RBM6: variants seen among roughly 807,000 people sequenced by gnomAD.
RBM6 encodes the protein RNA-binding protein 6.
RBM6 carries 23 observed loss-of-function variants against 140.4 expected under a neutral mutation model. The observed-to-expected ratio is 0.16, with a 90% CI of 0.12 to 0.23. RBM6 has a LOEUF of 0.23. Ranked by LOEUF, RBM6 falls within the 10% of genes least tolerant of loss-of-function variation. The pLI is 1.00. For missense variants in RBM6, 1,139 were observed against 1,386.7 expected, an observed-to-expected ratio of 0.82 and a Z score of 2.84; for synonymous variants, 439 against 475.6, an observed-to-expected ratio of 0.92 and a Z score of 1.00.
chr3:49,956,089 G>A (rs952642888), intron 1 of RBM6, among the ~76,000 whole-genome samples: 1 of 150,268 alleles, frequency 6.7e-6, no homozygotes, highest in African/African-American at 2.5e-5. Context: ...ATAGTGCAGT[G>A]CCACAATCTC....
chr3:49,967,309 G>C lies in RBM6; in HGVS notation c.45-161G>C. 2 of 1,409,684 alleles carry C rather than the reference G, an allele frequency of 1.4e-6. No homozygotes were observed. Among genetic ancestry groups the C allele is most frequent in the South Asian group, 3.6e-5 (2 of 56,292 alleles). 87.3% of individuals were successfully genotyped at this position (1,409,684 alleles called of 1,614,324 possible). On this transcript the variant is annotated intron_variant, in intron 2 of 20. Coordinates refer to ENST00000266022, the MANE Select transcript of RBM6 (RefSeq NM_005777.3). This position sits in a 1 kb window ranked among gnomAD's most constrained non-coding sequence, Gnocchi z 4.0. ...TACTCCGCCACTTCGTCTTAAAATA[G>C]CAAAACTTTGCTGTTTTCTGCAGAT... is the stretch of plus-strand genomic sequence containing the variant.
intron 5 of RBM6, among the ~76,000 whole-genome samples, chr3:49,976,241 A>AT: frequency 6.6e-6 from 1 of 152,318 alleles, no homozygotes; most frequent in African/African-American, 2.4e-5. Context: ...TGAGGATATA[A>AT]TTTACTATTA....
intron 1 of RBM6, among the ~76,000 whole-genome samples, chr3:49,955,753 G>A (rs1174091609): frequency 1.3e-5 from 2 of 151,830 alleles, no homozygotes; most frequent in African/African-American, 4.8e-5. Context: ...TGAGACAGGA[G>A]AATCTCTTGA....
At chr3:49,988,621 C>T (rs2085676017) in intron 5 of RBM6, among the ~76,000 whole-genome samples, 1 of 152,116 alleles carries the variant, frequency 6.6e-6, no homozygotes, top group African/African-American at 2.4e-5. Context: ...TTTGAATGCC[C>T]ACAGATGCTT....
chr3:49,941,950 A>T (rs2083300682), intron 1 of RBM6, among the ~76,000 whole-genome samples: 1 of 150,104 alleles, frequency 6.7e-6, no homozygotes, highest in South Asian at 2.1e-4. Flanking sequence ...AAAAAAAAAA[A>T]TTAGCCAGGC....
intron 5 of RBM6, among the ~76,000 whole-genome samples, chr3:49,998,431 T>G (rs911136995): frequency 6.6e-6 from 1 of 152,210 alleles, no homozygotes; most frequent in Non-Finnish European, 1.5e-5. Flanking sequence ...GAGATGAGCT[T>G]CTTTATCCTC....
rs956233729 is a variant in RBM6 at position 50,071,119 on chromosome 3, G to A, written c.3116+567G>A. On this transcript the variant is annotated intron_variant, in intron 19 of 20. Coordinates refer to ENST00000266022, the MANE Select transcript of RBM6 (RefSeq NM_005777.3). ...ATAGACAAGACTTAGGTGATGGTGC[G>A]TCTCATAGGGCAGACACAGAAATCA... 4.6e-5 allele frequency among the ~76,000 whole-genome samples: 7 copies of A among 152,292 alleles called. 1 individual carries two copies. The highest frequency in any genetic ancestry group is 2.6e-4 in the Admixed American group (4 of 15,294).
chr3:49,950,767 G>C (rs1397577293), intron 1 of RBM6, among the ~76,000 whole-genome samples: 3 of 150,698 alleles, frequency 2.0e-5, no homozygotes, highest in Non-Finnish European at 4.4e-5. Context: ...AAAAAAAACA[G>C]AAAGAATGAA....
intron 6 of RBM6, among the ~76,000 whole-genome samples, chr3:50,024,247 CTAAA>C (rs2087672794): frequency 6.6e-6 from 1 of 152,270 alleles, no homozygotes; most frequent in Admixed American, 6.5e-5. Flanking sequence ...AACAGTCCTT[CTAAA>C]TAATTATTTC....
chr3:50,052,718 C>T (rs1394924779), intron 7 of RBM6, among the ~76,000 whole-genome samples: 1 of 152,186 alleles, frequency 6.6e-6, no homozygotes, highest in Non-Finnish European at 1.5e-5. Flanking sequence ...GGGTTGTTTG[C>T]TACAGTTCTG....
At chr3:49,993,718 C>T (rs2085937139) in intron 5 of RBM6, among the ~76,000 whole-genome samples, 1 of 150,620 alleles carries the variant, frequency 6.6e-6, no homozygotes, top group Admixed American at 6.6e-5. Context: ...AAAAAAACAA[C>T]CCTTGTATGC....
At chr3:50,063,388 C>T (rs1447011308) in intron 15 of RBM6, among the ~76,000 whole-genome samples, 1 of 151,932 alleles carries the variant, frequency 6.6e-6, no homozygotes. Flanking sequence ...AGGTGGATGC[C>T]TGAGTTTAGG....
rs567565728 is a variant in RBM6, at chr3:50,065,194, C to T, written c.2682+68C>T. ...GGATGGTTCCGAGTAGAAGAGGAAGCGCAAAGGCTGATGCCTTCCTCTGGT... is the reference window on the plus strand; with the variant it reads ...GGATGGTTCCGAGTAGAAGAGGAAGTGCAAAGGCTGATGCCTTCCTCTGGT... On this transcript the variant is annotated intron_variant, in intron 16 of 20. Transcript: ENST00000266022. 104 of 1,222,088 alleles carry T rather than the reference C, an allele frequency of 8.5e-5. 1 individual carries two copies. The highest frequency in any genetic ancestry group is 7.4e-4 in the South Asian group (55 of 74,404). The allele number at this position is 1,222,088 out of a possible 1,614,324, so 75.7% of individuals were successfully genotyped here.
rs2084819684 is a variant in RBM6 at position 49,972,094 on chromosome 3, A to T, written c.1359A>T (p.Lys453Asn). 1 of 1,613,432 alleles carries T rather than the reference A, an allele frequency of 6.2e-7. No homozygotes were observed. The highest frequency in any genetic ancestry group is 1.7e-5 in the Admixed American group (1 of 59,948). ...QDYRTGPSEE[K>N]PSRLIRLSGV... is the part of the protein sequence containing the mutation. Reference sequence around the variant, plus strand: ...ATAGGACCGGCCCAAGTGAGGAGAAACCCAGCAGGCTTATTCGATTAAGTG... The same window carrying T: ...ATAGGACCGGCCCAAGTGAGGAGAATCCCAGCAGGCTTATTCGATTAAGTG... Residue 453 changes from lysine to asparagine, a missense_variant, in exon 4 of 21, where the codon AAA becomes AAT. By Grantham distance (94) the Lys-to-Asn change is moderately conservative (BLOSUM62 0). Transcript: ENST00000266022.
chr3:50,068,742 A>C lies in RBM6; in HGVS notation c.2996A>C (p.Tyr999Ser), dbSNP rs374134455. ...AAACAGTCTGAGCAGGAGCTAGCCT[A>C]TCTGGAAAGGAGAGAACGAGAGGTA... is the stretch of plus-strand genomic sequence containing the variant. ...KIKQSEQELAYLERREREGKF... is the reference protein window; with the variant it reads ...KIKQSEQELASLERREREGKF... The change falls in exon 18 of 21, where the codon TAT becomes TCT. Residue 999 changes from tyrosine to serine, a missense_variant. Physicochemically the swap from Tyr to Ser is moderately radical, Grantham distance 144. This residue lies in a region of RBM6 where 40 missense variants were observed against 80.1 expected (regional missense o/e 0.50). Coordinates refer to ENST00000266022, the MANE Select transcript of RBM6 (RefSeq NM_005777.3). The C allele has an allele frequency of 6.2e-7, 1 of 1,614,136 alleles. No homozygotes were observed. Among genetic ancestry groups the C allele is most frequent in the South Asian group, 1.1e-5 (1 of 91,078 alleles).
intron 6 of RBM6, among the ~76,000 whole-genome samples, chr3:50,031,278 C>T (rs1171597712): frequency 1.3e-5 from 2 of 152,188 alleles, no homozygotes; most frequent in African/African-American, 4.8e-5. Flanking sequence ...AAGACACATG[C>T]ACATGTATGT....
intron 6 of RBM6, among the ~76,000 whole-genome samples, chr3:50,012,239 A>C (rs2086882531): frequency 6.6e-6 from 1 of 151,800 alleles, no homozygotes; most frequent in African/African-American, 2.4e-5. Context: ...TTTAGAGACG[A>C]GGTCTCAATC....
chr3:50,004,463 C>T (rs577580259), intron 6 of RBM6, among the ~76,000 whole-genome samples: 1 of 149,976 alleles, frequency 6.7e-6, no homozygotes, highest in Non-Finnish European at 1.5e-5. Flanking sequence ...CTACCACCAC[C>T]ACAGCTGGCT....
At chr3:50,036,929 A>G (rs1309875495) in intron 6 of RBM6, among the ~76,000 whole-genome samples, 9 of 152,014 alleles carry the variant, frequency 5.9e-5, no homozygotes, top group Non-Finnish European at 1.3e-4. Context: ...CTACAGGCTC[A>G]TGCCACCATG....
Sources: gnomAD v4.1 joint callset for allele counts (sites outside exome capture counted in the v4.1 genomes callset) on GRCh38, gnomAD v4.1.1 for gene constraint, gnomAD v4.1.1 regional missense constraint, Gnocchi (gnomAD v3.1) non-coding constraint, MANE v1.5 for transcripts, NCBI Gene and HGNC (gene_info 2026-07-23, HGNC 2026-07-21) for gene names.